The following HERC1 variants were observed in gnomAD, a reference collection of about 807,000 sequenced individuals.
HERC1 encodes the protein probable E3 ubiquitin-protein ligase HERC1.
In HERC1, 160 loss-of-function variants were observed where a neutral mutation model predicts 554.3. The observed-to-expected ratio is 0.29, with a 90% CI of 0.25 to 0.33. HERC1 has a LOEUF of 0.33. Among genes scored for constraint, HERC1 ranks in the 10% least tolerant of loss-of-function variants. HERC1 has a pLI of 1.00. For synonymous variants in HERC1, 2,175 were observed against 2,131.7 expected (o/e 1.02, Z -0.56); for missense variants, 4,919 against 5,918.5 (o/e 0.83, Z 5.54).
chr15:63,622,006 C>T (rs565934427), intron 74 of HERC1, among the ~76,000 whole-genome samples: 3 of 152,224 alleles, frequency 2.0e-5, no homozygotes, highest in South Asian at 2.1e-4. Context: ...AGTCATTCTC[C>T]GTCCAGCTTT....
chr15:63,703,771 G>A (rs1420457328), intron 25 of HERC1, among the ~76,000 whole-genome samples: 1 of 151,876 alleles, frequency 6.6e-6, no homozygotes, highest in East Asian at 1.9e-4. Context: ...CAGGCATAGT[G>A]GCATGTGCCT....
rs1269879115 is a variant in HERC1, at chr15:63,686,405, T to A, written c.6179A>T (p.Tyr2060Phe). The A allele has an allele frequency of 6.2e-7, 1 of 1,613,796 alleles. No homozygotes were observed. Among genetic ancestry groups the A allele is most frequent in the East Asian group, 2.2e-5 (1 of 44,850 alleles). Residue 2060 changes from tyrosine (Y) to phenylalanine (F), a missense_variant, in exon 34 of 78, where the codon TAT (tyrosine) becomes TTT (phenylalanine). Physicochemically the swap from Tyr to Phe is conservative, Grantham distance 22. Around this residue, in one of 11 missense-constraint regions of HERC1, gnomAD observed 85 missense variants for 163.2 expected, o/e 0.52. Coordinates refer to ENST00000443617, the MANE Select transcript of HERC1 (RefSeq NM_003922.4). ...ILTHGSGGKGYGLASTGVTSG... is the reference protein window; with the variant it reads ...ILTHGSGGKGFGLASTGVTSG... ...AGTTACTCCTGTAGATGCCAATCCA[T>A]ATCCTTTCCCTCCACTGCCGTGAGT...
chr15:63,660,650 T>C (rs28487909), intron 46 of HERC1, among the ~76,000 whole-genome samples: 1,957 of 152,210 alleles, frequency 0.013, 35 homozygotes, highest in African/African-American at 0.045. Context: ...TCAATGCTCA[T>C]CTCTATTTAT....
At chr15:63,665,157 T>A (rs78590919) in intron 42 of HERC1, among the ~76,000 whole-genome samples, 3,237 of 152,298 alleles carry the variant, frequency 0.021, 56 homozygotes, top group Middle Eastern at 0.061. Flanking sequence ...GCAATCTTTT[T>A]ACACTTAAAG....
intron 61 of HERC1, 85 bp downstream of exon 61, chr15:63,640,067 C>A (rs2068968950): frequency 7.6e-7 from 1 of 1,320,702 alleles, no homozygotes; most frequent in African/African-American, 1.5e-5. Flanking sequence ...TGCATACCAG[C>A]AAAGACTTAT....
chr15:63,755,621 A>C (rs2075396988), intron 5 of HERC1, among the ~76,000 whole-genome samples: 1 of 152,170 alleles, frequency 6.6e-6, no homozygotes, highest in African/African-American at 2.4e-5. Context: ...TCTTTTAAAA[A>C]ATATGAAAAT....
At chr15:63,640,833 G>C (rs1362495686) in intron 60 of HERC1, among the ~76,000 whole-genome samples, 3 of 151,922 alleles carry the variant, frequency 2.0e-5, no homozygotes, top group African/African-American at 7.3e-5. Context: ...GGTTTTTCTT[G>C]ATTGGAAAAA....
intron 58 of HERC1, 127 bp from the exon 59 acceptor site, chr15:63,643,185 A>C (rs1384094394): frequency 1.2e-6 from 1 of 829,254 alleles, no homozygotes; most frequent in African/African-American, 1.7e-5. Context: ...AGCAACGTCC[A>C]ATCACATACC....
intron 53 of HERC1, 45 bp downstream of exon 53, chr15:63,651,208 A>T: frequency 6.3e-7 from 1 of 1,593,054 alleles, no homozygotes; most frequent in Non-Finnish European, 8.6e-7. Flanking sequence ...AGAAGGCTTT[A>T]AAAAACTACT....
At chr15:63,624,432 C>G (rs1048425806) in intron 71 of HERC1, 105 bp from the exon 72 acceptor site, 4 of 1,028,546 alleles carry the variant, frequency 3.9e-6, no homozygotes, top group Non-Finnish European at 5.6e-6. Flanking sequence ...CGCAGTGGCT[C>G]ATGCCTGTAG....
At chr15:63,658,895 T>G (rs1261142145) in intron 47 of HERC1, among the ~76,000 whole-genome samples, 177 bp from the exon 48 acceptor site, 1 of 152,250 alleles carries the variant, frequency 6.6e-6, no homozygotes, top group African/African-American at 2.4e-5. Context: ...AAGTTTGAAC[T>G]TGGATATTTC....
At chr15:63,708,051 C>A (rs2092708137) in intron 24 of HERC1, among the ~76,000 whole-genome samples, 1 of 151,486 alleles carries the variant, frequency 6.6e-6, no homozygotes, top group Admixed American at 6.6e-5. Context: ...GATAAACACA[C>A]ATTTTCTTAT....
intron 24 of HERC1, among the ~76,000 whole-genome samples, chr15:63,710,232 T>C (rs1039214244): frequency 6.6e-6 from 1 of 152,094 alleles, no homozygotes; most frequent in African/African-American, 2.4e-5. Context: ...GATGTTTGAG[T>C]AGGAAAGTAG....
intron 10 of HERC1, 62 bp from the exon 11 acceptor site, chr15:63,747,920 A>T (rs2141705039): frequency 6.8e-7 from 1 of 1,475,304 alleles, no homozygotes; most frequent in East Asian, 2.5e-5. Flanking sequence ...TGCACGATCA[A>T]AAACGAAAAT....
chr15:63,628,697 G>T lies in HERC1; in HGVS notation c.13085C>A (p.Pro4362His). 1.2e-6 allele frequency: 2 copies of T among 1,612,664 alleles called. No individual in the cohort carries two copies. Among genetic ancestry groups the T allele is most frequent in the Non-Finnish European group, 1.7e-6 (2 of 1,179,490 alleles). ...RCHSAAWTAPPVPPRAPGVSV... is the reference protein window; with the variant it reads ...RCHSAAWTAPHVPPRAPGVSV... ...CTCACCTGGTGCTCTTGGTGGGACA[G>T]GTGGTGCTGTCCATGCAGCACTGTG... Residue 4362 changes from proline to histidine, a missense_variant, in exon 70 of 78, where the codon CCT (proline) becomes CAT (histidine). This residue lies in a region of HERC1 where 410 missense variants were observed against 467.0 expected (regional missense o/e 0.88). Coordinates refer to ENST00000443617, the MANE Select transcript of HERC1 (RefSeq NM_003922.4).
Position 63,776,883 on chromosome 15 carries a change from C to T in HERC1, c.-26-1234G>A, listed in dbSNP as rs143912369. ...TCACTGCATGTAAATTTTGCCTCAA[C>T]AAATACTGAATAATGATATGCAAGC... On this transcript the variant is annotated intron_variant, in intron 1 of 77. Coordinates refer to ENST00000443617, the MANE Select transcript of HERC1 (RefSeq NM_003922.4). 2.9e-3 allele frequency among the ~76,000 whole-genome samples: 445 copies of T among 152,260 alleles called. 5 individuals carry two copies. The highest frequency in any genetic ancestry group is 0.01 in the African/African-American group (430 of 41,548).
intron 76 of HERC1, among the ~76,000 whole-genome samples, chr15:63,614,498 A>T (rs1475807114): frequency 1.3e-5 from 2 of 152,196 alleles, no homozygotes; most frequent in African/African-American, 4.8e-5. Context: ...AGCATCACTG[A>T]CAAGACCCAA....
intron 22 of HERC1, among the ~76,000 whole-genome samples, chr15:63,714,543 C>CTTTTTT (rs1431242256): frequency 8.8e-6 from 1 of 113,020 alleles, no homozygotes; most frequent in South Asian, 2.7e-4. Context: ...TTTCCTTTTT[C>CTTTTTT]TGTTTTTTTT....
At chr15:63,671,708 C>T (rs1566994617) in intron 39 of HERC1, among the ~76,000 whole-genome samples, 1 of 152,062 alleles carries the variant, frequency 6.6e-6, no homozygotes, top group African/African-American at 2.4e-5. Context: ...TTGGGCACAC[C>T]AAAAATTGAG....
Sources: allele counts gnomAD v4.1 joint callset (sites outside exome capture counted in the v4.1 genomes callset), GRCh38; gene constraint gnomAD v4.1.1; regional missense constraint gnomAD v4.1.1; transcripts MANE v1.5; gene names NCBI Gene and HGNC (gene_info 2026-07-23, HGNC 2026-07-21).